Variants in ATP8A2 observed in about 807,000 individuals in gnomAD.
The protein encoded by ATP8A2 is ATPase phospholipid transporting 8A2, also known as phospholipid-transporting ATPase IB.
ATP8A2 carries 100 observed loss-of-function variants against 165.6 expected under a neutral mutation model. The ratio of observed to expected loss-of-function variants is 0.60; its 90% CI spans 0.51 to 0.71. The LOEUF (loss-of-function observed/expected upper bound fraction) is 0.71. ATP8A2 is among the 30% of genes least tolerant of loss of function. The pLI is 0.00. For missense variants in ATP8A2, 1,227 were observed against 1,479.5 expected (o/e 0.83, Z 2.80); for synonymous variants, 543 against 548.8 (o/e 0.99, Z 0.15).
At chr13:25,591,899 C>T (rs1326182233) in intron 24 of ATP8A2, among the ~76,000 whole-genome samples, 2 of 152,122 alleles carry the variant, frequency 1.3e-5, no homozygotes. Context: ...GACATATACC[C>T]AGAAGTGGAG....
chr13:25,535,520 A>G (rs890007818), intron 6 of ATP8A2, among the ~76,000 whole-genome samples: 2 of 152,178 alleles, frequency 1.3e-5, no homozygotes. Context: ...ATGTAAGAAC[A>G]TTAAAACCAT....
intron 24 of ATP8A2, among the ~76,000 whole-genome samples, chr13:25,623,396 C>T (rs2041021742): frequency 6.6e-6 from 1 of 151,280 alleles, no homozygotes; most frequent in East Asian, 1.9e-4. Flanking sequence ...ACTTAGTCTC[C>T]ACAATAGCAA....
chr13:25,563,469 T>A (rs996876595), intron 15 of ATP8A2, among the ~76,000 whole-genome samples: 12 of 152,210 alleles, frequency 7.9e-5, no homozygotes, highest in African/African-American at 2.9e-4. Context: ...TTCTTCACAT[T>A]TTCTTCAATG....
At chr13:25,441,035 G>A (rs1463346352) in intron 1 of ATP8A2, among the ~76,000 whole-genome samples, 2 of 152,144 alleles carry the variant, frequency 1.3e-5, no homozygotes, top group Non-Finnish European at 2.9e-5. Context: ...TCTGCTTCAG[G>A]AGTCATCAAA....
rs2040441686 is a variant in ATP8A2, at chr13:25,603,508, G to T, written c.2211+13809G>T. Among the ~76,000 whole-genome samples, 3 of 151,858 alleles carry T rather than the reference G, an allele frequency of 2.0e-5. No homozygotes were observed. In the South Asian group the frequency reaches 6.2e-4, roughly 32 times the overall value. Reference sequence around the variant, plus strand: ...AAAAAAATTTTAAAAAGAGTATCTGGCTGCTGGAGTGAGCAGAGACTAAAG... The same window carrying T: ...AAAAAAATTTTAAAAAGAGTATCTGTCTGCTGGAGTGAGCAGAGACTAAAG... On this transcript the variant is annotated intron_variant, in intron 24 of 36. Coordinates refer to ENST00000381655, the MANE Select transcript of ATP8A2 (RefSeq NM_016529.6).
At chr13:25,591,189 G>T in intron 24 of ATP8A2, 1 of 439,656 alleles carries the variant, frequency 2.3e-6, no homozygotes, top group South Asian at 1.6e-5. Context: ...TCATTTAAGT[G>T]TACAGTTCAG....
chr13:25,386,123 C>A (rs1924781), intron 1 of ATP8A2, among the ~76,000 whole-genome samples: 91,935 of 151,208 alleles, frequency 0.61, 30,045 homozygotes, highest in East Asian at 0.79. Flanking sequence ...ACCATGTTGG[C>A]CAGGCTGGTC....
chr13:25,788,073 C>T (rs1238652486), intron 27 of ATP8A2, among the ~76,000 whole-genome samples: 1 of 152,140 alleles, frequency 6.6e-6, no homozygotes, highest in African/African-American at 2.4e-5. Context: ...CAGGTGAGGC[C>T]CCGCACCCAG....
intron 24 of ATP8A2, among the ~76,000 whole-genome samples, chr13:25,624,761 A>G (rs2041060331): frequency 6.6e-6 from 1 of 152,210 alleles, no homozygotes; most frequent in African/African-American, 2.4e-5. Flanking sequence ...GCTTTCAGAA[A>G]AATAGTTCAA....
intron 6 of ATP8A2, among the ~76,000 whole-genome samples, chr13:25,535,882 T>C (rs17795602): frequency 0.068 from 10,322 of 152,062 alleles, 452 homozygotes; most frequent in African/African-American, 0.11. Context: ...TCATTTCTTA[T>C]GTACACAAAA....
At chr13:25,630,359 C>A (rs1429870977) in intron 24 of ATP8A2, among the ~76,000 whole-genome samples, 1 of 152,190 alleles carries the variant, frequency 6.6e-6, no homozygotes, top group Non-Finnish European at 1.5e-5. Flanking sequence ...GAAGTGGCAG[C>A]GTTGATCTCC....
intron 12 of ATP8A2, among the ~76,000 whole-genome samples, chr13:25,554,555 G>A (rs1337344042): frequency 6.6e-6 from 1 of 151,156 alleles, no homozygotes; most frequent in Non-Finnish European, 1.5e-5. Flanking sequence ...GTGTGTGTGT[G>A]TGTGTGTGTG....
chr13:25,584,762 G>C (rs2039874826), intron 23 of ATP8A2, among the ~76,000 whole-genome samples: 1 of 152,150 alleles, frequency 6.6e-6, no homozygotes, highest in South Asian at 2.1e-4. Context: ...TGATTTAGAA[G>C]ACCACGGAGA....
intron 2 of ATP8A2, among the ~76,000 whole-genome samples, chr13:25,514,530 C>T (rs2037402610): frequency 6.6e-6 from 1 of 152,078 alleles, no homozygotes; most frequent in Non-Finnish European, 1.5e-5. Flanking sequence ...TGTGTGGGTG[C>T]CCTGGGAATA....
intron 2 of ATP8A2, among the ~76,000 whole-genome samples, chr13:25,528,749 A>G (rs115714805): frequency 0.06 from 9,031 of 149,744 alleles, 483 homozygotes; most frequent in South Asian, 0.13. Flanking sequence ...CAACTTGTGT[A>G]TGCATACATA....
intron 24 of ATP8A2, among the ~76,000 whole-genome samples, chr13:25,690,424 A>G (rs139786266): frequency 1.4e-3 from 211 of 152,160 alleles, no homozygotes; most frequent in Non-Finnish European, 2.5e-3. Flanking sequence ...CTAAAATTAG[A>G]GTATCTCAGC....
At chr13:25,660,650 A>G (rs1000196128) in intron 24 of ATP8A2, among the ~76,000 whole-genome samples, 1 of 151,868 alleles carries the variant, frequency 6.6e-6, no homozygotes, top group African/African-American at 2.4e-5. Context: ...TGGAAAACAT[A>G]GAAGGAAAAA....
intron 1 of ATP8A2, among the ~76,000 whole-genome samples, chr13:25,395,778 C>T (rs1475313103): frequency 1.3e-5 from 2 of 152,022 alleles, no homozygotes; most frequent in Non-Finnish European, 2.9e-5. Context: ...CTCAAGTGAT[C>T]GCCCTGCCTC....
chr13:25,441,662 A>C (rs1186226906), intron 1 of ATP8A2, among the ~76,000 whole-genome samples: 1 of 152,224 alleles, frequency 6.6e-6, no homozygotes, highest in African/African-American at 2.4e-5. Context: ...CATAGTAAAC[A>C]AACACCCAAC....
Sources: gnomAD v4.1 joint callset for allele counts (sites outside exome capture counted in the v4.1 genomes callset) on GRCh38, gnomAD v4.1.1 for gene constraint, MANE v1.5 for transcripts, NCBI Gene and HGNC (gene_info 2026-07-23, HGNC 2026-07-21) for gene names.